Variants in SLIT1 observed in about 807,000 individuals in gnomAD.
SLIT1 encodes slit homolog 1 protein.
A neutral mutation model predicts 186.1 loss-of-function variants in SLIT1; 66 were observed. The ratio of observed to expected loss-of-function variants is 0.35; its 90% confidence interval spans 0.29 to 0.44. The LOEUF (loss-of-function observed/expected upper bound fraction) is 0.44. Among genes scored for constraint, SLIT1 ranks in the 20% least tolerant of loss-of-function variants. The pLI, the probability that SLIT1 is intolerant of heterozygous loss-of-function variation, is 1.00. For missense variants in SLIT1, 1,638 were observed against 2,037.4 expected (o/e 0.80, Z 3.77); for synonymous variants, 761 against 833.8 (o/e 0.91, Z 1.50).
In SLIT1 at chr10:97,001,085, C is replaced by T; in HGVS notation, c.*27G>A. The T allele has an allele frequency of 6.3e-7, 1 of 1,595,346 alleles. No homozygotes were observed. Among genetic ancestry groups the T allele is most frequent in the Non-Finnish European group, 8.6e-7 (1 of 1,165,882 alleles). ...TGCAGCGGCTGGGGCCCCTTGCCCG[C>T]CCTCACCGGCCTGTCCACGCCCAGC... On this transcript the variant is annotated 3_prime_UTR_variant, in exon 37 of 37. Coordinates refer to ENST00000266058, the MANE Select transcript of SLIT1 (RefSeq NM_003061.3).
rs190078328 is a variant in SLIT1, at chr10:97,014,759, G to A, written c.2970-601C>T. On this transcript the variant is annotated intron_variant, in intron 28 of 36. Transcript: ENST00000266058. ...CATGTGCCTGTAATCCCAACTACTC[G>A]GGAGGCTGAGGCAGGAGAATCGCTT... 9.1e-4 allele frequency among the ~76,000 whole-genome samples: 138 copies of A among 152,158 alleles called. 2 individuals carry two copies. In the South Asian group the frequency reaches 0.025, roughly 28 times the overall value.
chr10:97,057,789 T>C, intron 11 of SLIT1: 1 of 519,864 alleles, frequency 1.9e-6, no homozygotes, highest in Non-Finnish European at 3.5e-6. Context: ...GTTTTCTGCA[T>C]TGAGCATGAA....
At chr10:97,151,676 A>G (rs1305352194) in intron 4 of SLIT1, among the ~76,000 whole-genome samples, 1 of 152,110 alleles carries the variant, frequency 6.6e-6, no homozygotes, top group Non-Finnish European at 1.5e-5. Context: ...CATTTGGCTT[A>G]GCCCCTTGGA....
In SLIT1 at chr10:97,040,003, T is replaced by C. The variant is rs531630438; in HGVS notation, c.2282A>G (p.Lys761Arg). The change falls in exon 21 of 37, where the codon AAG (lysine) becomes AGG (arginine). Residue 761 changes from lysine (K) to arginine (R), a missense_variant. Around this residue, in one of 3 missense-constraint regions of SLIT1, gnomAD observed 1,245 missense variants for 1,535.3 expected, o/e 0.81. Transcript: ENST00000266058. ...AGCTACTCACAGTTCTGTGACATTC[T>C]TGGGAATGCCCTTGGGCAGGGCCCG... ...HLRALPKGIP[K>R]NVTELYLDGN... 4.3e-6 allele frequency: 7 copies of C among 1,613,810 alleles called. No individual in the cohort carries two copies. In the East Asian group the frequency reaches 1.3e-4, roughly 31 times the overall value.
At chr10:97,124,478 C>T (rs1401238630) in intron 4 of SLIT1, among the ~76,000 whole-genome samples, 1 of 152,210 alleles carries the variant, frequency 6.6e-6, no homozygotes, top group Non-Finnish European at 1.5e-5. Context: ...AACAATAATG[C>T]CAGCTGGATC....
chr10:97,134,453 T>C (rs988145435), intron 4 of SLIT1, among the ~76,000 whole-genome samples: 5 of 152,246 alleles, frequency 3.3e-5, no homozygotes, highest in African/African-American at 1.2e-4. Context: ...GCCTGTTCTC[T>C]CTGCGCCCCT....
intron 25 of SLIT1, among the ~76,000 whole-genome samples, chr10:97,029,919 A>G (rs145428867): frequency 1.1e-3 from 164 of 152,324 alleles, no homozygotes; most frequent in Non-Finnish European, 1.8e-3. Context: ...TTCACCTAAC[A>G]TAATGCCTTC....
At chr10:97,075,213 G>A (rs1479918719) in intron 4 of SLIT1, among the ~76,000 whole-genome samples, 1 of 152,222 alleles carries the variant, frequency 6.6e-6, no homozygotes, top group Non-Finnish European at 1.5e-5. Context: ...TTAGATCCTT[G>A]TCAGAAGATG....
intron 4 of SLIT1, among the ~76,000 whole-genome samples, chr10:97,140,599 C>A (rs1319236818): frequency 3.3e-5 from 5 of 152,134 alleles, no homozygotes; most frequent in African/African-American, 1.2e-4. Context: ...CCTCCGCGAT[C>A]GGCCGACAGA....
intron 4 of SLIT1, among the ~76,000 whole-genome samples, chr10:97,099,711 G>T (rs1849331210): frequency 6.6e-6 from 1 of 152,160 alleles, no homozygotes; most frequent in Non-Finnish European, 1.5e-5. Context: ...CCTGACCTAG[G>T]AGCAGGGAAA....
In SLIT1 at chr10:97,043,659, G is replaced by A. The variant is rs1848710534; in HGVS notation, c.1854-146C>T. On this transcript the variant is annotated intron_variant, in intron 18 of 36. Transcript: ENST00000266058. The surrounding 1 kb of genome is among the most constrained non-coding windows in gnomAD (Gnocchi z 7.0). ...AGAGCCAGGAACACGCACCAGCCAGGCCCCGGCCAGGTGAGGCGAGTTTTA... is the reference window on the plus strand; with the variant it reads ...AGAGCCAGGAACACGCACCAGCCAGACCCCGGCCAGGTGAGGCGAGTTTTA... 2 of 805,178 alleles carry A rather than the reference G, an allele frequency of 2.5e-6. No individual in the cohort carries two copies. The highest frequency in any genetic ancestry group is 2.5e-5 in the Admixed American group (1 of 40,418). The allele number at this position is 805,178 out of a possible 1,614,324, so 49.9% of individuals were successfully genotyped here. A position where few individuals can be genotyped will look rare whatever the true frequency, so the allele number is the denominator to read the frequency against.
intron 4 of SLIT1, among the ~76,000 whole-genome samples, chr10:97,106,949 G>A (rs999494426): frequency 1.3e-5 from 2 of 152,246 alleles, no homozygotes; most frequent in Admixed American, 1.3e-4. Flanking sequence ...AACCAGCGGA[G>A]GAGCAGCTGA....
intron 25 of SLIT1, among the ~76,000 whole-genome samples, chr10:97,030,068 G>T (rs1420183947): frequency 6.6e-6 from 1 of 152,178 alleles, no homozygotes. Context: ...GTAAAATGCT[G>T]CAGTGAACAT....
At chr10:97,134,973 C>A (rs896542521) in intron 4 of SLIT1, among the ~76,000 whole-genome samples, 9 of 152,212 alleles carry the variant, frequency 5.9e-5, no homozygotes, top group African/African-American at 1.9e-4. Flanking sequence ...ACAGGACCCA[C>A]CAGCTCTGAA....
intron 4 of SLIT1, among the ~76,000 whole-genome samples, chr10:97,096,428 A>G (rs1265643973): frequency 7.2e-6 from 1 of 138,606 alleles, no homozygotes; most frequent in Non-Finnish European, 1.6e-5. Flanking sequence ...CCTCCCCACC[A>G]CTCTCTGAGC....
intron 4 of SLIT1, among the ~76,000 whole-genome samples, chr10:97,108,301 C>T (rs888806007): frequency 3.3e-5 from 5 of 152,218 alleles, no homozygotes; most frequent in Non-Finnish European, 7.3e-5. Context: ...ACTTTAACCA[C>T]ATCACTTCAC....
rs1293965514 is a variant in SLIT1, at chr10:97,022,862, A to C, written c.2583-1449T>G. Among the ~76,000 whole-genome samples, 1 of 152,166 alleles carries C rather than the reference A, an allele frequency of 6.6e-6. No homozygotes were observed. The highest frequency in any genetic ancestry group is 1.9e-4 in the East Asian group (1 of 5,198). On this transcript the variant is annotated intron_variant, in intron 25 of 36. Coordinates refer to ENST00000266058, the MANE Select transcript of SLIT1 (RefSeq NM_003061.3). This position sits in a 1 kb window ranked among gnomAD's most constrained non-coding sequence, Gnocchi z 4.2. The stretch of plus-strand genomic sequence containing the variant: ...GTTCCTCCTTACAAATCACATCACT[A>C]CTGAGCAGCTTGCTCCTTGTCACTA...
chr10:97,000,809 G>A lies in SLIT1; in HGVS notation c.*303C>T. The A allele has an allele frequency of 2.7e-6, 1 of 364,014 alleles. No homozygotes were observed. The allele number at this position is 364,014 out of a possible 1,614,324, so 22.5% of individuals were successfully genotyped here. ...AGGTAAGGAGGGGTGTCATCGTTCT[G>A]CACTTCTTGGCCTGACCTCACGCAC... On this transcript the variant is annotated 3_prime_UTR_variant, in exon 37 of 37. Transcript: ENST00000266058.
chr10:97,166,111 A>C (rs995773779), intron 1 of SLIT1, among the ~76,000 whole-genome samples: 3 of 152,094 alleles, frequency 2.0e-5, no homozygotes, highest in African/African-American at 7.2e-5. Flanking sequence ...CCTGCAGCCC[A>C]GTCTTCTCAC....
Sources: gnomAD v4.1 joint callset for allele counts (sites outside exome capture counted in the v4.1 genomes callset) on GRCh38, gnomAD v4.1.1 for gene constraint, gnomAD v4.1.1 regional missense constraint, Gnocchi (gnomAD v3.1) non-coding constraint, MANE v1.5 for transcripts, NCBI Gene and HGNC (gene_info 2026-07-23, HGNC 2026-07-21) for gene names.